ABCC3: variants seen among roughly 807,000 people sequenced by gnomAD.
ABCC3 encodes the protein ATP binding cassette subfamily C member 3.
Under a neutral mutation model 165.3 loss-of-function variants are expected in ABCC3, and 121 were observed. That is an observed-to-expected ratio of 0.73 (90% CI 0.63 to 0.85). ABCC3 has a LOEUF of 0.85. ABCC3 is among the 40% of genes least tolerant of loss of function. The pLI is 0.00. For synonymous variants in ABCC3, 733 were observed against 810.1 expected (o/e 0.90, Z 1.62); for missense variants, 1,869 against 1,964.1 (o/e 0.95, Z 0.92).
chr17:50,667,916 GGACGCC>G lies in ABCC3; in HGVS notation c.1692_1697del (p.Asp564_Ala565del), dbSNP rs1480427783. Reference sequence around the variant, plus strand: ...TGTACGTGGACCCAAACAATGTGCTGGACGCCGAGAAGGCCTTTGTGTCTGTGTCCT... The same window carrying G: ...TGTACGTGGACCCAAACAATGTGCTGGAGAAGGCCTTTGTGTCTGTGTCCT... On this transcript the variant is annotated inframe_deletion, in exon 13 of 31. Coordinates refer to ENST00000285238, the MANE Select transcript of ABCC3 (RefSeq NM_003786.4). The G allele has an allele frequency of 6.2e-7, 1 of 1,614,042 alleles. No individual in the cohort carries two copies. Among genetic ancestry groups the G allele is most frequent in the Non-Finnish European group, 8.5e-7 (1 of 1,180,010 alleles).
intron 17 of ABCC3, among the ~76,000 whole-genome samples, chr17:50,671,870 C>T (rs566168752): frequency 1.3e-4 from 19 of 151,882 alleles, no homozygotes; most frequent in South Asian, 1.3e-3. Context: ...TACAGGCGCA[C>T]GCAACTACAG....
At chr17:50,653,302 C>T (rs1281203977) in intron 1 of ABCC3, among the ~76,000 whole-genome samples, 1 of 142,724 alleles carries the variant, frequency 7.0e-6, no homozygotes, top group African/African-American at 2.7e-5. Context: ...ACCGAGATCA[C>T]GCCATTACAC....
chr17:50,673,983 T>TTTCCTTCCTTCCTTCCTTCCTTC (rs1967728136), intron 19 of ABCC3, among the ~76,000 whole-genome samples: 1 of 4,954 alleles, frequency 2.0e-4, no homozygotes. Context: ...TTTCTTTCTC[T>TTTCCTTCCTTCCTTCCTTCCTTC]CTCTCTCTCT....
intron 19 of ABCC3, among the ~76,000 whole-genome samples, chr17:50,673,909 T>C (rs370947595): frequency 6.9e-4 from 8 of 11,544 alleles, no homozygotes; most frequent in African/African-American, 2.8e-3. Context: ...GTTTTCTTTC[T>C]TTCTTTCTTT....
chr17:50,685,648 C>T (rs977985701), intron 29 of ABCC3, among the ~76,000 whole-genome samples: 1 of 152,134 alleles, frequency 6.6e-6, no homozygotes. Flanking sequence ...GTGTATATTT[C>T]ACATTTACAG....
chr17:50,663,425 T>A, intron 8 of ABCC3: 1 of 504,360 alleles, frequency 2.0e-6, no homozygotes, highest in East Asian at 3.2e-5. Context: ...GTGAGGCTGG[T>A]GGTGAGAGCG....
chr17:50,655,557 G>A (rs1309918070), intron 1 of ABCC3, among the ~76,000 whole-genome samples: 1 of 152,082 alleles, frequency 6.6e-6, no homozygotes, highest in Non-Finnish European at 1.5e-5. Flanking sequence ...CTCACTGATT[G>A]TACACTTTAA....
chr17:50,684,167 T>C (rs1342523256), intron 28 of ABCC3, 60 bp downstream of exon 28: 2 of 1,576,256 alleles, frequency 1.3e-6, no homozygotes, highest in Non-Finnish European at 1.7e-6. Context: ...GGCCCCACCT[T>C]GTTCTGTAGC....
chr17:50,668,745 TG>T, intron 14 of ABCC3, 107 bp from the exon 15 acceptor site: 1 of 930,858 alleles, frequency 1.1e-6, no homozygotes, highest in Non-Finnish European at 1.7e-6. Flanking sequence ...CCCCTCCCCA[TG>T]GCCCAGGCTC....
At chr17:50,665,312 C>T in intron 11 of ABCC3, 67 bp downstream of exon 11, 1 of 1,488,786 alleles carries the variant, frequency 6.7e-7, no homozygotes, top group Non-Finnish European at 9.3e-7. Context: ...GGAAGGTGTC[C>T]ACTAACCTTG....
At chr17:50,665,311 C>T in intron 11 of ABCC3, 66 bp downstream of exon 11, 1 of 1,489,622 alleles carries the variant, frequency 6.7e-7, no homozygotes. Context: ...GGGAAGGTGT[C>T]CACTAACCTT....
chr17:50,636,338 A>T (rs768398768), intron 1 of ABCC3, among the ~76,000 whole-genome samples: 4 of 152,012 alleles, frequency 2.6e-5, no homozygotes, highest in Admixed American at 6.5e-5. Context: ...AAGGCGTTAT[A>T]TGGATTTTTT....
intron 5 of ABCC3, 92 bp from the exon 6 acceptor site, chr17:50,658,343 A>G (rs975682789): frequency 1.3e-5 from 20 of 1,580,664 alleles, no homozygotes; most frequent in Non-Finnish European, 1.7e-5. Flanking sequence ...TGGGGCTTGG[A>G]GCAGGAACAA....
In ABCC3 at chr17:50,676,649, G is replaced by GC; in HGVS notation, c.3378+62dup. On this transcript the variant is annotated intron_variant, in intron 23 of 30. Transcript: ENST00000285238. The stretch of plus-strand genomic sequence containing the variant: ...GTTATTGGGGCGGGGCAACACATGG[G>GC]CGGGGGCAGCAGGGGTGGGACACTT... 5 of 1,396,368 alleles carry GC rather than the reference G, an allele frequency of 3.6e-6. No individual in the cohort carries two copies. In the Admixed American group the frequency reaches 9.8e-5, roughly 27 times the overall value. 86.5% of individuals were successfully genotyped at this position (1,396,368 alleles called of 1,614,324 possible). A position where few individuals can be genotyped will look rare whatever the true frequency, so the allele number is the denominator to read the frequency against.
chr17:50,687,734 G>T lies in ABCC3; in HGVS notation c.4475+4G>T. 6.2e-7 allele frequency: 1 copy of T among 1,610,716 alleles called. No individual in the cohort carries two copies. The highest frequency in any genetic ancestry group is 1.1e-5 in the South Asian group (1 of 91,022). Reference sequence around the variant, plus strand: ...ACACTATCATGGACTACACCAGGTGGGACACGGAAACCTGAGCAATGGGGA... The same window carrying T: ...ACACTATCATGGACTACACCAGGTGTGACACGGAAACCTGAGCAATGGGGA... On this transcript the variant is annotated splice_donor_region_variant and intron_variant, in intron 30 of 30. Transcript: ENST00000285238.
rs777252897 is a variant in ABCC3, at chr17:50,658,415, C to A, written c.613-20C>A. On this transcript the variant is annotated intron_variant, in intron 5 of 30. Coordinates refer to ENST00000285238, the MANE Select transcript of ABCC3 (RefSeq NM_003786.4). ...TGGTGGGCACTCCTGATTCCCCCGTCCTATTCTCTCGCCTTCTAGAACCCC... is the reference window on the plus strand; with the variant it reads ...TGGTGGGCACTCCTGATTCCCCCGTACTATTCTCTCGCCTTCTAGAACCCC... The A allele has an allele frequency of 6.2e-7, 1 of 1,612,188 alleles. No individual in the cohort carries two copies.
intron 1 of ABCC3, among the ~76,000 whole-genome samples, chr17:50,642,452 G>A (rs1407883765): frequency 6.6e-6 from 1 of 152,242 alleles, no homozygotes; most frequent in East Asian, 1.9e-4. Flanking sequence ...TCCCCTGGTT[G>A]TTGCCACAGA....
intron 1 of ABCC3, among the ~76,000 whole-genome samples, chr17:50,642,488 G>A (rs927337952): frequency 6.6e-6 from 1 of 152,192 alleles, no homozygotes; most frequent in African/African-American, 2.4e-5. Flanking sequence ...ACCAAAACAC[G>A]GGCCTGACAG....
chr17:50,674,905 T>G (rs1431687717), intron 19 of ABCC3, among the ~76,000 whole-genome samples: 1 of 151,830 alleles, frequency 6.6e-6, no homozygotes. Context: ...GTTCAAGCGA[T>G]TCTCCTGCCT....
Sources: gnomAD v4.1 joint callset for allele counts (sites outside exome capture counted in the v4.1 genomes callset) on GRCh38, gnomAD v4.1.1 for gene constraint, MANE v1.5 for transcripts, NCBI Gene and HGNC (gene_info 2026-07-23, HGNC 2026-07-21) for gene names.